The following SCN8A variants were observed in gnomAD, a reference collection of about 807,000 sequenced individuals.
SCN8A encodes sodium voltage-gated channel alpha subunit 8.
A neutral mutation model predicts 184.1 loss-of-function variants in SCN8A; 30 were observed. The observed-to-expected ratio is 0.16, with a 90% CI of 0.12 to 0.22. SCN8A has a LOEUF of 0.22. Among genes scored for constraint, SCN8A ranks in the 10% least tolerant of loss-of-function variants. The pLI, the probability that SCN8A is intolerant of heterozygous loss-of-function variation, is 1.00. For missense variants in SCN8A, 1,057 were observed against 2,498.9 expected (o/e 0.42, Z 12.30); for synonymous variants, 852 against 907.0 (o/e 0.94, Z 1.09).
intron 1 of SCN8A, among the ~76,000 whole-genome samples, chr12:51,625,029 C>T (rs142330810): frequency 7.4e-4 from 112 of 152,174 alleles, no homozygotes; most frequent in African/African-American, 2.6e-3. Flanking sequence ...CCCTGACATA[C>T]TGGTTCTCTT....
intron 1 of SCN8A, among the ~76,000 whole-genome samples, chr12:51,656,400 AT>A (rs1433898627): frequency 6.6e-6 from 1 of 152,238 alleles, no homozygotes; most frequent in Non-Finnish European, 1.5e-5. Context: ...ATAGGCACAG[AT>A]TTCCTAGAAT....
chr12:51,775,407 T>C (rs1937659903), intron 20 of SCN8A, among the ~76,000 whole-genome samples: 3 of 152,168 alleles, frequency 2.0e-5, no homozygotes, highest in African/African-American at 7.2e-5. Flanking sequence ...TTCCAATACA[T>C]TGTCTGCAAT....
At chr12:51,620,823 A>AT (rs1311701245) in intron 1 of SCN8A, among the ~76,000 whole-genome samples, 1 of 150,898 alleles carries the variant, frequency 6.6e-6, no homozygotes, top group Admixed American at 6.6e-5. Flanking sequence ...CACCATCTCT[A>AT]TTTAAAAAAA....
intron 19 of SCN8A, 80 bp from the exon 20 acceptor site, chr12:51,774,109 G>C: frequency 7.5e-7 from 1 of 1,329,194 alleles, no homozygotes; most frequent in Middle Eastern, 1.9e-4. Context: ...CATGTGGGAC[G>C]GCTCCCTGAG....
At chr12:51,664,651 AT>A (rs1010627390) in intron 2 of SCN8A, among the ~76,000 whole-genome samples, 3 of 151,662 alleles carry the variant, frequency 2.0e-5, no homozygotes, top group Non-Finnish European at 4.4e-5. Flanking sequence ...GACCTAAACT[AT>A]TTTTTCCAAC....
chr12:51,657,460 C>T (rs953620167), intron 1 of SCN8A, among the ~76,000 whole-genome samples: 1 of 151,908 alleles, frequency 6.6e-6, no homozygotes, highest in Non-Finnish European at 1.5e-5. Context: ...GTTCATTTGC[C>T]TATGTTTTAA....
intron 11 of SCN8A, among the ~76,000 whole-genome samples, chr12:51,714,843 C>A (rs1941940071): frequency 6.6e-6 from 1 of 152,182 alleles, no homozygotes; most frequent in African/African-American, 2.4e-5. Context: ...AACATCTAAA[C>A]CTAAGTTGGA....
chr12:51,594,665 T>C (rs1381512201), intron 1 of SCN8A, among the ~76,000 whole-genome samples: 1 of 152,162 alleles, frequency 6.6e-6, no homozygotes, highest in Non-Finnish European at 1.5e-5. Flanking sequence ...AAATACATAC[T>C]TATTGCAGAA....
chr12:51,656,412 A>G (rs1175192545), intron 1 of SCN8A, among the ~76,000 whole-genome samples: 1 of 152,214 alleles, frequency 6.6e-6, no homozygotes, highest in African/African-American at 2.4e-5. Context: ...TTCCTAGAAT[A>G]AAAAAGTACT....
chr12:51,734,435 G>A (rs918708724), intron 12 of SCN8A, among the ~76,000 whole-genome samples: 15 of 152,348 alleles, frequency 9.8e-5, no homozygotes, highest in Non-Finnish European at 2.1e-4. Flanking sequence ...GAAGGGAAGG[G>A]CCAAATTAAA....
intron 8 of SCN8A, 25 bp downstream of exon 8, chr12:51,701,232 C>T (rs1264532983): frequency 3.3e-6 from 5 of 1,498,826 alleles, no homozygotes; most frequent in South Asian, 2.6e-5. Context: ...TAGTTTTATT[C>T]TCTTTCCTTA....
chr12:51,804,539 G>C (rs140086857), intron 26 of SCN8A, among the ~76,000 whole-genome samples: 7,757 of 148,646 alleles, frequency 0.052, 333 homozygotes, highest in South Asian at 0.11. Context: ...GCCCAGGCTG[G>C]AGTGCAGTGG....
In SCN8A at chr12:51,806,713, A is replaced by G. The variant is rs776285877; in HGVS notation, c.5227A>G (p.Ile1743Val). The change falls in exon 27 of 27, where the codon ATC becomes GTC. Residue 1743 changes from isoleucine to valine, a missense_variant. Coordinates refer to ENST00000627620, the MANE Select transcript of SCN8A (RefSeq NM_001330260.2). The surrounding 1 kb of genome is among the most constrained non-coding windows in gnomAD (Gnocchi z 8.7). ...KGDCGNPSVG[I>V]FFFVSYIIIS... Reference sequence around the variant, plus strand: ...AGATTGTGGGAACCCCTCAGTGGGCATCTTCTTCTTTGTAAGCTACATCAT... The same window carrying G: ...AGATTGTGGGAACCCCTCAGTGGGCGTCTTCTTCTTTGTAAGCTACATCAT... 6.2e-7 allele frequency: 1 copy of G among 1,614,084 alleles called. No individual in the cohort carries two copies. Among genetic ancestry groups the G allele is most frequent in the Non-Finnish European group, 8.5e-7 (1 of 1,180,000 alleles).
At chr12:51,675,730 G>A (rs141203019) in intron 2 of SCN8A, among the ~76,000 whole-genome samples, 148 of 152,300 alleles carry the variant, frequency 9.7e-4, no homozygotes, top group African/African-American at 3.4e-3. Flanking sequence ...TAAAATTGTA[G>A]TATGCCTTGA....
chr12:51,790,329 C>A, intron 24 of SCN8A, 69 bp from the exon 25 acceptor site: 1 of 1,103,018 alleles, frequency 9.1e-7, no homozygotes, highest in South Asian at 1.5e-5. Context: ...CAGTATTGAA[C>A]CTTAGGTCCA....
chr12:51,645,658 A>T (rs1940567744), intron 1 of SCN8A, among the ~76,000 whole-genome samples: 1 of 151,942 alleles, frequency 6.6e-6, no homozygotes, highest in South Asian at 2.1e-4. Context: ...CTTACCCCCA[A>T]CCCTGTGCTC....
At chr12:51,797,224 C>T (rs900878409) in intron 26 of SCN8A, among the ~76,000 whole-genome samples, 1 of 152,156 alleles carries the variant, frequency 6.6e-6, no homozygotes, top group Non-Finnish European at 1.5e-5. Flanking sequence ...ATACAGCTAT[C>T]CTTCATACAA....
intron 6 of SCN8A, among the ~76,000 whole-genome samples, chr12:51,698,039 A>C (rs1941624248): frequency 6.6e-6 from 1 of 152,070 alleles, no homozygotes; most frequent in East Asian, 1.9e-4. Flanking sequence ...TTTTTAGTAG[A>C]GATGGGGTTT....
intron 1 of SCN8A, among the ~76,000 whole-genome samples, chr12:51,604,580 G>C (rs1175008111): frequency 1.3e-5 from 2 of 152,020 alleles, no homozygotes; most frequent in African/African-American, 4.8e-5. Context: ...GCCCAGGCTG[G>C]AGTGCATGTC....
Sources: allele counts gnomAD v4.1 joint callset (sites outside exome capture counted in the v4.1 genomes callset), GRCh38; gene constraint gnomAD v4.1.1; non-coding constraint Gnocchi (gnomAD v3.1); transcripts MANE v1.5; gene names NCBI Gene and HGNC (gene_info 2026-07-23, HGNC 2026-07-21).